The following GABRB3 variants were observed in gnomAD, a reference collection of about 807,000 sequenced individuals.
GABRB3 encodes the protein gamma-aminobutyric acid receptor subunit beta-3.
A neutral mutation model predicts 52.1 loss-of-function variants in GABRB3; 14 were observed. The observed-to-expected ratio is 0.27, with a 90% CI of 0.18 to 0.42. GABRB3 has a LOEUF of 0.42. Ranked by LOEUF, GABRB3 falls within the 10% of genes least tolerant of loss-of-function variation. GABRB3 has a pLI of 1.00. For missense variants in GABRB3, 307 were observed against 609.1 expected (o/e 0.50, Z 5.22); for synonymous variants, 260 against 232.3 (o/e 1.12, Z -1.08).
At chr15:26,640,763 C>T (rs1212407117) in intron 3 of GABRB3, among the ~76,000 whole-genome samples, 3 of 152,280 alleles carry the variant, frequency 2.0e-5, no homozygotes, top group Middle Eastern at 6.8e-3. Context: ...ATTCAGCCAC[C>T]GCGGAGATGA....
intron 4 of GABRB3, among the ~76,000 whole-genome samples, chr15:26,592,237 G>A (rs2140760319): frequency 6.6e-6 from 1 of 152,218 alleles, no homozygotes; most frequent in South Asian, 2.1e-4. Flanking sequence ...CTAATTAAGT[G>A]ACAATTAGGC....
intron 3 of GABRB3, among the ~76,000 whole-genome samples, chr15:26,694,383 T>C (rs527916659): frequency 6.6e-6 from 1 of 152,302 alleles, no homozygotes; most frequent in Non-Finnish European, 1.5e-5. Flanking sequence ...TACCTTACCA[T>C]GACCCCAACA....
chr15:26,696,471 A>G (rs1888744325), intron 3 of GABRB3, among the ~76,000 whole-genome samples: 1 of 152,140 alleles, frequency 6.6e-6, no homozygotes, highest in Non-Finnish European at 1.5e-5. Flanking sequence ...AAACTTTGGG[A>G]CCTGCAATCT....
chr15:26,667,841 C>CA (rs1887764239), intron 3 of GABRB3, among the ~76,000 whole-genome samples: 1 of 152,144 alleles, frequency 6.6e-6, no homozygotes, highest in African/African-American at 2.4e-5. Context: ...GAGGCATGCT[C>CA]AAGCATGAGA....
intron 3 of GABRB3, among the ~76,000 whole-genome samples, chr15:26,712,479 G>A (rs1188668091): frequency 2.6e-5 from 4 of 152,046 alleles, no homozygotes; most frequent in Non-Finnish European, 5.9e-5. Flanking sequence ...GGTGAGGGGG[G>A]GTTCAATCTG....
chr15:26,744,244 T>A (rs897766945), intron 3 of GABRB3, among the ~76,000 whole-genome samples: 4 of 152,198 alleles, frequency 2.6e-5, no homozygotes, highest in African/African-American at 4.8e-5. Flanking sequence ...AAATCAAGCA[T>A]GAAAATTCTC....
chr15:26,566,568 AT>A (rs1374534923), intron 7 of GABRB3, among the ~76,000 whole-genome samples: 10 of 152,200 alleles, frequency 6.6e-5, no homozygotes, highest in African/African-American at 2.4e-4. Context: ...TCTACAAAAA[AT>A]TAAAAAATTA....
intron 4 of GABRB3, among the ~76,000 whole-genome samples, chr15:26,592,402 C>T (rs1049081421): frequency 6.6e-6 from 1 of 152,136 alleles, no homozygotes; most frequent in Non-Finnish European, 1.5e-5. Context: ...AAAGCATAAA[C>T]ATTCTGAATA....
At chr15:26,748,842 G>A (rs1168631664) in intron 3 of GABRB3, among the ~76,000 whole-genome samples, 2 of 151,856 alleles carry the variant, frequency 1.3e-5, no homozygotes, top group African/African-American at 2.4e-5. Flanking sequence ...CCTTGCCAAC[G>A]TGGTGAAACC....
chr15:26,618,556 T>A (rs1892353192), intron 4 of GABRB3, among the ~76,000 whole-genome samples: 1 of 152,130 alleles, frequency 6.6e-6, no homozygotes, highest in Non-Finnish European at 1.5e-5. Flanking sequence ...CTAAAAACCA[T>A]AAAAACCCTA....
chr15:26,603,966 A>G lies in GABRB3; in HGVS notation c.461+17348T>C, dbSNP rs149784605. On this transcript the variant is annotated intron_variant, in intron 4 of 8. Coordinates refer to ENST00000311550, the MANE Select transcript of GABRB3 (RefSeq NM_000814.6). ...AAAAATAAAAGACATCCAAATTAGA[A>G]AGGAAGAAGTCAAATTATCCTTGTT... Among the ~76,000 whole-genome samples, 297 of 152,230 alleles carry G rather than the reference A, an allele frequency of 2.0e-3. 6 individuals carry two copies. In the East Asian group the frequency reaches 0.036, roughly 19 times the overall value.
At chr15:26,762,730 T>C (rs974145381) in intron 3 of GABRB3, among the ~76,000 whole-genome samples, 14 of 152,198 alleles carry the variant, frequency 9.2e-5, no homozygotes, top group Admixed American at 9.2e-4. Context: ...TAGGACGGTG[T>C]TCTCTAAGCA....
Position 26,621,307 on chromosome 15 carries a change from C to A in GABRB3, c.461+7G>T. 1.2e-6 allele frequency: 2 copies of A among 1,612,502 alleles called. No homozygotes were observed. The highest frequency in any genetic ancestry group is 1.7e-6 in the Non-Finnish European group (2 of 1,179,478). On this transcript the variant is annotated splice_region_variant and intron_variant, in intron 4 of 8. Transcript: ENST00000311550. The surrounding 1 kb of genome is among the most constrained non-coding windows in gnomAD (Gnocchi z 4.1). ...CAGCAAAATTGGTCCTGAAGAGGCA[C>A]ACAGACCTGAGCCCATACAGCACTG...
At chr15:26,717,179 C>G (rs1346615429) in intron 3 of GABRB3, among the ~76,000 whole-genome samples, 4 of 148,636 alleles carry the variant, frequency 2.7e-5, no homozygotes, top group African/African-American at 5.0e-5. Flanking sequence ...CTCTGGGGAC[C>G]TCCACCCTAT....
chr15:26,553,911 G>A (rs1041332942), intron 8 of GABRB3, among the ~76,000 whole-genome samples: 6 of 148,964 alleles, frequency 4.0e-5, no homozygotes, highest in African/African-American at 1.5e-4. Context: ...GTCTTGCTCT[G>A]TTGCCTAGGC....
At chr15:26,763,867 C>G (rs539901379) in intron 3 of GABRB3, among the ~76,000 whole-genome samples, 1 of 151,570 alleles carries the variant, frequency 6.6e-6, no homozygotes, top group African/African-American at 2.4e-5. Flanking sequence ...ACAAATGGAC[C>G]GGGCATGGTG....
intron 6 of GABRB3, among the ~76,000 whole-genome samples, chr15:26,579,015 G>A (rs17560619): frequency 0.11 from 16,622 of 152,220 alleles, 1,112 homozygotes; most frequent in Admixed American, 0.16. Flanking sequence ...GCACTGCATA[G>A]AAAAAGGATC....
intron 4 of GABRB3, among the ~76,000 whole-genome samples, chr15:26,619,018 A>G (rs1285999413): frequency 2.0e-5 from 3 of 147,410 alleles, no homozygotes; most frequent in South Asian, 2.2e-4. Flanking sequence ...TCAGGAAACA[A>G]CAGGTGCTGG....
At chr15:26,630,499 T>G (rs1892881768) in intron 3 of GABRB3, among the ~76,000 whole-genome samples, 1 of 152,244 alleles carries the variant, frequency 6.6e-6, no homozygotes, top group African/African-American at 2.4e-5. Flanking sequence ...AGATAAGATG[T>G]CTTGAATCAA....
Sources: allele counts gnomAD v4.1 joint callset (sites outside exome capture counted in the v4.1 genomes callset), GRCh38; gene constraint gnomAD v4.1.1; non-coding constraint Gnocchi (gnomAD v3.1); transcripts MANE v1.5; gene names NCBI Gene and HGNC (gene_info 2026-07-23, HGNC 2026-07-21).